TTC21B: variants seen among roughly 807,000 people sequenced by gnomAD.
TTC21B encodes tetratricopeptide repeat protein 21B.
In TTC21B, 127 loss-of-function variants were observed where a neutral mutation model predicts 175.1. That is an observed-to-expected ratio of 0.73 (90% CI 0.63 to 0.84). The LOEUF (loss-of-function observed/expected upper bound fraction) is 0.84. Ranked by LOEUF, TTC21B falls within the 40% of genes least tolerant of loss-of-function variation. The probability of loss-of-function intolerance (pLI) is 0.00; values close to 1 mark genes in which losing one functional copy is unlikely to be tolerated. For synonymous variants in TTC21B, 524 were observed against 524.5 expected, an observed-to-expected ratio of 1.00 and a Z score of 0.01; for missense variants, 1,561 against 1,558.3, an observed-to-expected ratio of 1.00 and a Z score of -0.03.
intron 8 of TTC21B, among the ~76,000 whole-genome samples, chr2:165,931,016 T>C (rs1475807166): frequency 6.6e-6 from 1 of 152,078 alleles, no homozygotes; most frequent in Admixed American, 6.6e-5. Flanking sequence ...AAAAAACTAA[T>C]TGAAATAATG....
At chr2:165,948,031 C>G (rs183380434) in intron 3 of TTC21B, 1 of 152,324 alleles carries the variant, frequency 6.6e-6, no homozygotes, top group Admixed American at 6.5e-5. Flanking sequence ...ATTTTCTGCT[C>G]TAGCTAAACA....
chr2:165,888,293 T>A lies in TTC21B; in HGVS notation c.3445A>T (p.Ile1149Leu). ...AATCCACTAACCTCAGATGCTGCTA[T>A]TTCAGTGAAGGTATTTAATGCTTGT... ...VEQALNTFTE[I>L]AASEKEHIPA... is the part of the protein sequence containing the mutation. The change falls in exon 25 of 29, where the codon ATA becomes TTA. Residue 1149 changes from isoleucine (I) to leucine (L), a missense_variant. Ile to Leu is a conservative substitution (Grantham distance 5, BLOSUM62 2). Coordinates refer to ENST00000243344, the MANE Select transcript of TTC21B (RefSeq NM_024753.5). 6.2e-7 allele frequency: 1 copy of A among 1,613,316 alleles called. No individual in the cohort carries two copies. Among genetic ancestry groups the A allele is most frequent in the Non-Finnish European group, 8.5e-7 (1 of 1,179,290 alleles).
chr2:165,912,654 A>C (rs112025266), intron 16 of TTC21B, 30 bp from the exon 17 acceptor site: 3 of 1,557,366 alleles, frequency 1.9e-6, no homozygotes, highest in Non-Finnish European at 1.8e-6. Context: ...AAAATAAGCA[A>C]TAAAAAATAG....
chr2:165,923,616 T>TCG (rs1553512896), intron 12 of TTC21B, among the ~76,000 whole-genome samples: 1 of 151,616 alleles, frequency 6.6e-6, no homozygotes, highest in Non-Finnish European at 1.5e-5. Context: ...GGCTAATTTC[T>TCG]TGTTTTTAGT....
At position 165,883,875 on chromosome 2, in the gene TTC21B, C is replaced by A. The variant is rs1418571668; in HGVS notation, c.3603G>T (p.Leu1201=). 2 of 1,614,134 alleles carry A rather than the reference C, an allele frequency of 1.2e-6. No individual in the cohort carries two copies. Among genetic ancestry groups the A allele is most frequent in the African/African-American group, 2.7e-5 (2 of 75,048 alleles). The change falls in exon 26 of 29, where the codon CTG becomes CTT. Residue 1201 remains leucine (L), a synonymous_variant. Transcript: ENST00000243344. ...ATTGAATGTAAATATCAGCAAGTAG[C>A]AGCCAACTCTTCTCAAACTCTTCAG... is the stretch of plus-strand genomic sequence containing the variant. ...IDAEEFEKSW[L]LLADIYIQSA... is the part of the protein sequence containing the mutation.
intron 25 of TTC21B, among the ~76,000 whole-genome samples, chr2:165,886,625 TA>T (rs142306508): frequency 2.6e-5 from 4 of 152,014 alleles, no homozygotes; most frequent in African/African-American, 9.7e-5. Flanking sequence ...TAAGGATGAT[TA>T]AAAAAAATAA....
intron 9 of TTC21B, 69 bp from the exon 10 acceptor site, chr2:165,929,816 T>A: frequency 1.0e-6 from 1 of 996,212 alleles, no homozygotes; most frequent in Admixed American, 1.7e-5. Context: ...CAAGCTAACA[T>A]AACAACATTA....
chr2:165,952,027 C>A (rs1352003776), intron 1 of TTC21B, among the ~76,000 whole-genome samples: 1 of 152,074 alleles, frequency 6.6e-6, no homozygotes, highest in Non-Finnish European at 1.5e-5. Context: ...TTTCATGATT[C>A]TTGAGGAAGG....
intron 14 of TTC21B, among the ~76,000 whole-genome samples, chr2:165,916,792 C>T (rs767400844): frequency 1.3e-5 from 2 of 152,120 alleles, no homozygotes; most frequent in African/African-American, 2.4e-5. Flanking sequence ...CTTTCAGGGG[C>T]TTACAGGAAG....
Position 165,898,769 on chromosome 2 carries a change from T to C in TTC21B, c.2869-2A>G, listed in dbSNP as rs1553508246. 6.2e-7 allele frequency: 1 copy of C among 1,605,396 alleles called. No individual in the cohort carries two copies. Among genetic ancestry groups the C allele is most frequent in the South Asian group, 1.1e-5 (1 of 90,944 alleles). On this transcript the variant is annotated splice_acceptor_variant, in intron 21 of 28. Coordinates refer to ENST00000243344, the MANE Select transcript of TTC21B (RefSeq NM_024753.5). LOFTEE classifies it high-confidence loss of function. ...TCTGAACATGAGATCAGCCATCATC[T>C]ATAAAGATAAAAGTTGGTTCTAAAA...
At chr2:165,898,173 GA>G (rs897596782) in intron 22 of TTC21B, among the ~76,000 whole-genome samples, 67 of 151,916 alleles carry the variant, frequency 4.4e-4, no homozygotes, top group African/African-American at 1.4e-3. Context: ...ATGCTGATTA[GA>G]AAAAAAATGA....
At position 165,917,404 on chromosome 2, in the gene TTC21B, T is replaced by G; in HGVS notation, c.1752A>C (p.Lys584Asn). 1 of 1,614,208 alleles carries G rather than the reference T, an allele frequency of 6.2e-7. No individual in the cohort carries two copies. Among genetic ancestry groups the G allele is most frequent in the Non-Finnish European group, 8.5e-7 (1 of 1,180,032 alleles). Residue 584 changes from lysine (K) to asparagine (N), a missense_variant, in exon 14 of 29, where the codon AAA becomes AAC. Physicochemically the swap from Lys to Asn is moderately conservative, Grantham distance 94. Coordinates refer to ENST00000243344, the MANE Select transcript of TTC21B (RefSeq NM_024753.5). ...GTAAACTCATTGCCATATGCAGTGTTTTAATTGCGTCTGCTATTTCTCCCA... is the reference window on the plus strand; with the variant it reads ...GTAAACTCATTGCCATATGCAGTGTGTTAATTGCGTCTGCTATTTCTCCCA... ...KKMGEIADAI[K>N]TLHMAMSLPG...
chr2:165,943,088 C>T, intron 5 of TTC21B, 131 bp downstream of exon 5: 1 of 879,116 alleles, frequency 1.1e-6, no homozygotes, highest in Non-Finnish European at 1.8e-6. Flanking sequence ...TGCCAGTCTA[C>T]CTTACAGCTG....
intron 8 of TTC21B, among the ~76,000 whole-genome samples, 192 bp from the exon 9 acceptor site, chr2:165,930,556 T>G (rs1018412765): frequency 1.3e-5 from 2 of 151,950 alleles, no homozygotes; most frequent in Non-Finnish European, 2.9e-5. Context: ...TTATATTCTA[T>G]CAGAACTTAA....
rs181400280 is a variant in TTC21B, at chr2:165,910,804, T to C, written c.2461+523A>G. 6.1e-3 allele frequency among the ~76,000 whole-genome samples: 735 copies of C among 120,484 alleles called. 7 individuals carry two copies. Among genetic ancestry groups the C allele is most frequent in the African/African-American group, 0.019 (701 of 37,698 alleles). The allele number at this position is 120,484 out of a possible 152,430, so 79.0% of individuals were successfully genotyped here. A position where few individuals can be genotyped will look rare whatever the true frequency, so the allele number is the denominator to read the frequency against. On this transcript the variant is annotated intron_variant, in intron 18 of 28. Transcript: ENST00000243344. ...GACATCAAACTATCTGGGACACGTA[T>C]GTGGAAAAAATTGCAGAAAAGGAAG...
rs777801181 is a variant in TTC21B, at chr2:165,919,307, G to C, written c.1643C>G (p.Ser548Cys). 13 of 1,614,062 alleles carry C rather than the reference G, an allele frequency of 8.1e-6. No individual in the cohort carries two copies. Among genetic ancestry groups the C allele is most frequent in the Non-Finnish European group, 1.7e-6 (2 of 1,179,972 alleles). The change falls in exon 13 of 29, where the codon TCT (serine) becomes TGT (cysteine). Residue 548 changes from serine (S) to cysteine (C), a missense_variant. By Grantham distance (112) the Ser-to-Cys change is moderately radical. Transcript: ENST00000243344. ...SQEKVKLCSQ[S>C]LELCLSYDFK... ...ATCATAGCTCAGACAAAGTTCAAGAGACTGAGAACACAATTTGACTTTTTC... is the reference window on the plus strand; with the variant it reads ...ATCATAGCTCAGACAAAGTTCAAGACACTGAGAACACAATTTGACTTTTTC...
At chr2:165,875,296 G>T (rs1366598132) in intron 28 of TTC21B, among the ~76,000 whole-genome samples, 3 of 151,492 alleles carry the variant, frequency 2.0e-5, no homozygotes, top group Non-Finnish European at 4.4e-5. Context: ...CTCCAAAAAT[G>T]ATCCTAATAT....
chr2:165,950,619 GTTTGT>G lies in TTC21B; in HGVS notation c.22-900_22-896del, dbSNP rs906066891. ...AAGGGTATCTAGACAGCTCTGGTTT[GTTTGT>G]TTTGTTTTGTTTTGGAGATTCTGTC... On this transcript the variant is annotated intron_variant, in intron 1 of 28. Coordinates refer to ENST00000243344, the MANE Select transcript of TTC21B (RefSeq NM_024753.5). Among the ~76,000 whole-genome samples the G allele has an allele frequency of 1.5e-4, 23 of 152,222 alleles. No individual in the cohort carries two copies. The South Asian group carries it at 1.7e-3, about 11-fold the overall frequency.
chr2:165,919,351 A>C lies in TTC21B; in HGVS notation c.1599T>G (p.Ala533=). The change falls in exon 13 of 29, where the codon GCT becomes GCG. Residue 533 remains alanine, a synonymous_variant. Transcript: ENST00000243344. ...CTTTTTCTTGAGACAAGTAAACCTG[A>C]GCTAGCAGCAGATGAGCATCAGCAT... ...PSYADAHLLL[A]QVYLSQEKVK... 1 of 1,614,106 alleles carries C rather than the reference A, an allele frequency of 6.2e-7. No homozygotes were observed. Among genetic ancestry groups the C allele is most frequent in the Non-Finnish European group, 8.5e-7 (1 of 1,179,988 alleles).
Sources: gnomAD v4.1 joint callset for allele counts (sites outside exome capture counted in the v4.1 genomes callset) on GRCh38, gnomAD v4.1.1 for gene constraint, MANE v1.5 for transcripts, NCBI Gene and HGNC (gene_info 2026-07-23, HGNC 2026-07-21) for gene names.